The following MARCHF1 variants were observed in gnomAD, a reference collection of about 807,000 sequenced individuals.
MARCHF1 encodes membrane associated ring-CH-type finger 1.
A neutral mutation model predicts 54.2 loss-of-function variants in MARCHF1; 40 were observed. That is an observed-to-expected ratio of 0.74 (90% CI 0.57 to 0.96). MARCHF1 has a LOEUF of 0.96. Ranked by LOEUF, MARCHF1 falls within the 40% of genes least tolerant of loss-of-function variation. The probability of loss-of-function intolerance (pLI) is 0.00; values close to 1 mark genes in which losing one functional copy is unlikely to be tolerated. For missense variants in MARCHF1, 586 were observed against 656.5 expected (o/e 0.89, Z 1.17); for synonymous variants, 236 against 236.3 (o/e 1.00, Z 0.01).
intron 1 of MARCHF1, among the ~76,000 whole-genome samples, chr4:164,131,722 T>A (rs894938152): frequency 6.6e-6 from 1 of 152,142 alleles, no homozygotes; most frequent in African/African-American, 2.4e-5. Flanking sequence ...TTTTGCCTGC[T>A]ACTCTAAGTA....
chr4:163,828,037 A>ACG (rs1459346915), intron 4 of MARCHF1, among the ~76,000 whole-genome samples: 1 of 132,354 alleles, frequency 7.6e-6, no homozygotes, highest in East Asian at 2.5e-4. Flanking sequence ...ACACACACAC[A>ACG]CACACACACA....
chr4:163,531,179 A>G (rs77124257), intron 9 of MARCHF1, among the ~76,000 whole-genome samples: 2,546 of 152,030 alleles, frequency 0.017, 64 homozygotes, highest in African/African-American at 0.057. Flanking sequence ...GACAATTACT[A>G]TGAAGAAAAG....
chr4:164,163,148 T>C (rs1397648989), intron 1 of MARCHF1, among the ~76,000 whole-genome samples: 2 of 151,832 alleles, frequency 1.3e-5, no homozygotes, highest in African/African-American at 4.8e-5. Flanking sequence ...AAAAATAAAA[T>C]TATCCCACCT....
chr4:164,278,775 G>A (rs536333676), intron 1 of MARCHF1, among the ~76,000 whole-genome samples: 2 of 152,306 alleles, frequency 1.3e-5, no homozygotes, highest in East Asian at 3.9e-4. Flanking sequence ...CAATCAGGAA[G>A]AGGGGAGCGG....
intron 3 of MARCHF1, among the ~76,000 whole-genome samples, chr4:163,861,411 T>C (rs1236495765): frequency 6.6e-6 from 1 of 152,148 alleles, no homozygotes; most frequent in Non-Finnish European, 1.5e-5. Flanking sequence ...AAGGTTAATA[T>C]ACAAAGTCAA....
intron 1 of MARCHF1, among the ~76,000 whole-genome samples, chr4:164,177,846 AAGAC>A (rs963352211): frequency 6.9e-6 from 1 of 145,260 alleles, no homozygotes; most frequent in South Asian, 2.2e-4. Context: ...GAGACAAAGA[AAGAC>A]AGAGACAGAG....
At chr4:163,867,815 T>C (rs963376992) in intron 3 of MARCHF1, among the ~76,000 whole-genome samples, 3 of 8,282 alleles carry the variant, frequency 3.6e-4, no homozygotes, top group Non-Finnish European at 1.3e-3. Flanking sequence ...ATCAATTTCC[T>C]TTTTTTTTTT....
intron 3 of MARCHF1, among the ~76,000 whole-genome samples, chr4:163,898,800 G>A (rs1446833322): frequency 2.0e-5 from 3 of 152,148 alleles, no homozygotes; most frequent in South Asian, 2.1e-4. Context: ...GTCCGTCAAC[G>A]ATTGACTGGA....
chr4:163,976,871 G>A (rs185719866), intron 3 of MARCHF1, among the ~76,000 whole-genome samples: 3 of 152,220 alleles, frequency 2.0e-5, no homozygotes, highest in Admixed American at 6.5e-5. Context: ...ACCAGTCACC[G>A]TAGAGTAACA....
chr4:163,997,779 G>A (rs1384847023), intron 2 of MARCHF1, among the ~76,000 whole-genome samples: 1 of 151,846 alleles, frequency 6.6e-6, no homozygotes, highest in Non-Finnish European at 1.5e-5. Context: ...AAAGGTAAAG[G>A]AGATAATAGT....
chr4:164,032,173 G>A (rs1054658626), intron 2 of MARCHF1, among the ~76,000 whole-genome samples: 6 of 152,120 alleles, frequency 3.9e-5, no homozygotes, highest in African/African-American at 1.4e-4. Context: ...GGGGTCAGTG[G>A]TGATATCCCC....
chr4:163,798,372 T>C (rs1747982855), intron 4 of MARCHF1, among the ~76,000 whole-genome samples: 1 of 152,178 alleles, frequency 6.6e-6, no homozygotes, highest in African/African-American at 2.4e-5. Flanking sequence ...AAATAAAAAT[T>C]ATTTTTGTTT....
intron 3 of MARCHF1, among the ~76,000 whole-genome samples, chr4:163,904,763 A>AGAGAGAGAC (rs374872263): frequency 1.3e-5 from 2 of 151,466 alleles, no homozygotes; most frequent in African/African-American, 4.9e-5. Flanking sequence ...AGGAGAGAGA[A>AGAGAGAGAC]AGAGACAGAG....
chr4:164,158,347 G>A (rs6855146), intron 1 of MARCHF1, among the ~76,000 whole-genome samples: 29,059 of 151,978 alleles, frequency 0.19, 4,426 homozygotes, highest in African/African-American at 0.41. Flanking sequence ...TGTGAATATG[G>A]AGAGTGATAA....
intron 1 of MARCHF1, among the ~76,000 whole-genome samples, chr4:164,284,499 G>A (rs568311767): frequency 1.4e-4 from 21 of 151,120 alleles, no homozygotes; most frequent in African/African-American, 4.6e-4. Context: ...TGAATATTCA[G>A]GTTCTAGCTA....
intron 3 of MARCHF1, among the ~76,000 whole-genome samples, chr4:163,939,885 G>A (rs1751875711): frequency 6.6e-6 from 1 of 152,172 alleles, no homozygotes; most frequent in African/African-American, 2.4e-5. Context: ...ATGCAGAATA[G>A]AAAGGTGTTA....
intron 5 of MARCHF1, among the ~76,000 whole-genome samples, chr4:163,658,285 C>A (rs1743221819): frequency 6.6e-6 from 1 of 151,662 alleles, no homozygotes; most frequent in East Asian, 1.9e-4. Context: ...ATTCATGCAG[C>A]CAATAAACGT....
At position 164,103,232 on chromosome 4, in the gene MARCHF1, C is replaced by T. The variant is rs1379562717; in HGVS notation, c.-248+8356G>A. Among the ~76,000 whole-genome samples, 163 of 74,990 alleles carry T rather than the reference C, an allele frequency of 2.2e-3. 2 individuals carry two copies. Among genetic ancestry groups the T allele is most frequent in the Non-Finnish European group, 2.7e-3 (85 of 31,136 alleles). The allele number at this position is 74,990 out of a possible 152,430, so 49.2% of individuals were successfully genotyped here. A position where few individuals can be genotyped will look rare whatever the true frequency, so the allele number is the denominator to read the frequency against. Reference sequence around the variant, plus strand: ...GAGACAGAAAGTCAACAAGGATACCCAGGAATTGAACTCAGCTCTGCACCA... The same window carrying T: ...GAGACAGAAAGTCAACAAGGATACCTAGGAATTGAACTCAGCTCTGCACCA... On this transcript the variant is annotated intron_variant, in intron 2 of 9. Transcript: ENST00000514618.
chr4:164,274,383 T>C (rs1252392032), intron 1 of MARCHF1, among the ~76,000 whole-genome samples: 1 of 150,708 alleles, frequency 6.6e-6, no homozygotes, highest in Admixed American at 6.6e-5. Context: ...TGTTTCTGAA[T>C]GATTAACAAG....
Sources: allele counts gnomAD v4.1 joint callset (sites outside exome capture counted in the v4.1 genomes callset), GRCh38; gene constraint gnomAD v4.1.1; transcripts MANE v1.5; gene names NCBI Gene and HGNC (gene_info 2026-07-23, HGNC 2026-07-21).